GPCPD1: variants seen among roughly 807,000 people sequenced by gnomAD.
GPCPD1 encodes the protein glycerophosphocholine phosphodiesterase GPCPD1.
A neutral mutation model predicts 89.2 loss-of-function variants in GPCPD1; 29 were observed. The observed-to-expected ratio is 0.33, with a 90% CI of 0.24 to 0.44. The LOEUF (loss-of-function observed/expected upper bound fraction) is 0.44. Among genes scored for constraint, GPCPD1 ranks in the 20% least tolerant of loss-of-function variants. GPCPD1 has a pLI of 1.00. For synonymous variants in GPCPD1, 258 were observed against 266.3 expected (o/e 0.97, Z 0.30); for missense variants, 594 against 808.9 (o/e 0.73, Z 3.22).
At chr20:5,573,821 A>T in intron 11 of GPCPD1, 94 bp downstream of exon 11, 1 of 789,836 alleles carries the variant, frequency 1.3e-6, no homozygotes, top group South Asian at 1.4e-5. Flanking sequence ...AAATGCCAAG[A>T]GATATTCCCC....
chr20:5,567,363 A>G (rs1986444737), intron 13 of GPCPD1, 120 bp downstream of exon 13: 1 of 1,207,676 alleles, frequency 8.3e-7, no homozygotes, highest in Admixed American at 2.8e-5. Context: ...ACCAAAGCAC[A>G]TAGTCTACAC....
chr20:5,570,388 G>C (rs1056244), intron 11 of GPCPD1, 149 bp from the exon 12 acceptor site: 173,888 of 238,050 alleles, frequency 0.73, 62,513 homozygotes, highest in African/African-American at 0.92. Flanking sequence ...AAAACAATGG[G>C]TTTTCTCTTT....
At chr20:5,556,483 CG>C (rs1405613396) in intron 19 of GPCPD1, among the ~76,000 whole-genome samples, 1 of 152,168 alleles carries the variant, frequency 6.6e-6, no homozygotes, top group East Asian at 1.9e-4. Flanking sequence ...GGATTACAGG[CG>C]TGAGCCACTG....
At chr20:5,598,385 AAC>A (rs1167939184) in intron 3 of GPCPD1, among the ~76,000 whole-genome samples, 1 of 152,104 alleles carries the variant, frequency 6.6e-6, no homozygotes, top group East Asian at 1.9e-4. Context: ...CAGCCTGGGT[AAC>A]AGAGTGAGAC....
intron 15 of GPCPD1, among the ~76,000 whole-genome samples, 187 bp from the exon 16 acceptor site, chr20:5,561,717 A>G (rs1398886692): frequency 2.0e-5 from 3 of 152,252 alleles, no homozygotes; most frequent in Non-Finnish European, 4.4e-5. Context: ...TGATTATGTT[A>G]AATAAGGTCA....
chr20:5,603,746 CTTTT>C (rs1181802350), intron 2 of GPCPD1, among the ~76,000 whole-genome samples: 3 of 135,392 alleles, frequency 2.2e-5, no homozygotes, highest in Non-Finnish European at 3.2e-5. Context: ...CCAACTTATT[CTTTT>C]TTTTTTTTTT....
At position 5,558,616 on chromosome 20, in the gene GPCPD1, A is replaced by C. The variant is rs1985910584; in HGVS notation, c.1668+68T>G. ...AACATTAGATGGGTAAAGTAATATG[A>C]AATCTTTACTACTACTCCAAAATAG... is the stretch of plus-strand genomic sequence containing the variant. On this transcript the variant is annotated intron_variant, in intron 18 of 19. Coordinates refer to ENST00000379019, the MANE Select transcript of GPCPD1 (RefSeq NM_019593.5). 8 of 933,978 alleles carry C rather than the reference A, an allele frequency of 8.6e-6. No individual in the cohort carries two copies. The South Asian group carries it at 1.1e-4, about 13-fold the overall frequency. 57.9% of individuals were successfully genotyped at this position (933,978 alleles called of 1,614,324 possible). A position where few individuals can be genotyped will look rare whatever the true frequency, so the allele number is the denominator to read the frequency against.
In GPCPD1 at chr20:5,546,146, T is replaced by G. The variant is rs1257315712; in HGVS notation, c.*1515A>C. 6.6e-6 allele frequency: 1 copy of G among 152,222 alleles called. No homozygotes were observed. Among genetic ancestry groups the G allele is most frequent in the Non-Finnish European group, 1.5e-5 (1 of 68,030 alleles). 9.4% of individuals were successfully genotyped at this position (152,222 alleles called of 1,614,324 possible). A position where few individuals can be genotyped will look rare whatever the true frequency, so the allele number is the denominator to read the frequency against. ...CAGAACCCTTGCAGAAGACTCCATT[T>G]CCTAAACTATTTTGCATTAATATCA... On this transcript the variant is annotated 3_prime_UTR_variant, in exon 20 of 20. Coordinates refer to ENST00000379019, the MANE Select transcript of GPCPD1 (RefSeq NM_019593.5).
intron 9 of GPCPD1, 106 bp downstream of exon 9, chr20:5,575,710 T>G: frequency 1.1e-6 from 1 of 916,724 alleles, no homozygotes; most frequent in Non-Finnish European, 1.7e-6. Context: ...AAATTGATAC[T>G]AAAGCAAATT....
At chr20:5,562,831 A>T (rs1372291205) in intron 15 of GPCPD1, among the ~76,000 whole-genome samples, 1 of 152,182 alleles carries the variant, frequency 6.6e-6, no homozygotes, top group Non-Finnish European at 1.5e-5. Context: ...ATATCTAAAG[A>T]CTTATTTAAC....
chr20:5,559,657 G>A lies in GPCPD1; in HGVS notation c.1532+283C>T, dbSNP rs183764517. 6.6e-5 allele frequency among the ~76,000 whole-genome samples: 10 copies of A among 152,042 alleles called. No individual in the cohort carries two copies. In the East Asian group the frequency reaches 1.2e-3, roughly 18 times the overall value. On this transcript the variant is annotated intron_variant, in intron 17 of 19. Transcript: ENST00000379019. ...AAGAGCTAAAATATTCTCAGATATC[G>A]GCAGTGATAAATCCCTAGGGAGCTT...
chr20:5,581,366 A>C (rs1422883625), intron 6 of GPCPD1, among the ~76,000 whole-genome samples: 1 of 152,230 alleles, frequency 6.6e-6, no homozygotes, highest in Non-Finnish European at 1.5e-5. Flanking sequence ...ATTCATATTG[A>C]ATCCATGACT....
Position 5,547,371 on chromosome 20 carries a change from T to A in GPCPD1, c.*290A>T, listed in dbSNP as rs1219064432. The A allele has an allele frequency of 5.8e-6, 1 of 172,808 alleles. No individual in the cohort carries two copies. Among genetic ancestry groups the A allele is most frequent in the African/African-American group, 2.4e-5 (1 of 42,260 alleles). The allele number at this position is 172,808 out of a possible 1,614,324, so 10.7% of individuals were successfully genotyped here. On this transcript the variant is annotated 3_prime_UTR_variant, in exon 20 of 20. Coordinates refer to ENST00000379019, the MANE Select transcript of GPCPD1 (RefSeq NM_019593.5). ...TTATATAGTTAATTTCAAAGTGCTA[T>A]GCTTTTAATGAACATATGTTTAACA...
intron 19 of GPCPD1, among the ~76,000 whole-genome samples, chr20:5,554,886 A>G (rs1985660869): frequency 6.6e-6 from 1 of 152,240 alleles, no homozygotes; most frequent in Admixed American, 6.5e-5. Flanking sequence ...GGACAAGATC[A>G]AAATATCAAC....
intron 6 of GPCPD1, 81 bp downstream of exon 6, chr20:5,584,200 T>C: frequency 1.4e-6 from 1 of 724,960 alleles, no homozygotes; most frequent in East Asian, 2.6e-5. Context: ...TCTATTTTCC[T>C]GTGCTATATA....
chr20:5,555,681 C>T (rs1055611773), intron 19 of GPCPD1, among the ~76,000 whole-genome samples: 3 of 152,146 alleles, frequency 2.0e-5, no homozygotes, highest in Non-Finnish European at 4.4e-5. Flanking sequence ...CATGGCAAAA[C>T]CTCTTCTCTA....
At position 5,601,361 on chromosome 20, in the gene GPCPD1, C is replaced by CTTT. The variant is rs1209326779; in HGVS notation, c.50-2543_50-2541dup. Among the ~76,000 whole-genome samples, 165 of 73,060 alleles carry CTTT rather than the reference C, an allele frequency of 2.3e-3. 1 individual carries two copies. The highest frequency in any genetic ancestry group is 7.4e-3 in the African/African-American group (123 of 16,726). The allele number at this position is 73,060 out of a possible 152,430, so 47.9% of individuals were successfully genotyped here. On this transcript the variant is annotated intron_variant, in intron 2 of 19. Coordinates refer to ENST00000379019, the MANE Select transcript of GPCPD1 (RefSeq NM_019593.5). ...GGCAATAGAGGGAGACCCTGTTAAT[C>CTTT]TTTTTTTTTTTTTTTTTTTTTTTTT...
At chr20:5,570,863 A>G (rs1986676227) in intron 11 of GPCPD1, among the ~76,000 whole-genome samples, 1 of 150,906 alleles carries the variant, frequency 6.6e-6, no homozygotes, top group Non-Finnish European at 1.5e-5. Flanking sequence ...GTTAAAGCCA[A>G]ATTTCTAAAA....
intron 1 of GPCPD1, among the ~76,000 whole-genome samples, chr20:5,605,983 T>G (rs142868445): frequency 9.2e-5 from 14 of 152,192 alleles, no homozygotes; most frequent in African/African-American, 7.2e-5. Flanking sequence ...AAATCTGAAC[T>G]CCATAGTAAA....
Sources: allele counts gnomAD v4.1 joint callset (sites outside exome capture counted in the v4.1 genomes callset), GRCh38; gene constraint gnomAD v4.1.1; transcripts MANE v1.5; gene names NCBI Gene and HGNC (gene_info 2026-07-23, HGNC 2026-07-21).